The following SCART1 variants were observed in gnomAD, a reference collection of about 807,000 sequenced individuals.
The protein encoded by SCART1 is scavenger receptor family member expressed on T cells 1.
In SCART1, 62 loss-of-function variants were observed where a neutral mutation model predicts 36.2. The ratio of observed to expected loss-of-function variants is 1.71; its 90% CI spans 1.40 to 2.12. The LOEUF is 2.12. Among genes scored for constraint, SCART1 ranks in the 30% most tolerant of loss-of-function variants. The probability of loss-of-function intolerance (pLI) is 0.00; values close to 1 mark genes in which losing one functional copy is unlikely to be tolerated. For synonymous variants in SCART1, 487 were observed against 238.7 expected (o/e 2.04, Z -9.59); for missense variants, 1,041 against 540.5 (o/e 1.93, Z -9.18).
chr10:133,458,560 T>A (rs1169287002), exon 4 of SCART1: 2 of 685,788 alleles, frequency 2.9e-6, no homozygotes, highest in East Asian at 5.4e-5. Context: ...GACGGAGGCC[T>A]TCCGCTGTGC....
chr10:133,464,684 G>A (rs771953123), exon 7 of SCART1: 11 of 699,394 alleles, frequency 1.6e-5, no homozygotes, highest in Middle Eastern at 4.6e-4. Flanking sequence ...GGGACCTGGG[G>A]CGCCATGTGC....
chr10:133,463,296 G>A (rs1291162216), intron 6 of SCART1, among the ~76,000 whole-genome samples: 1 of 152,020 alleles, frequency 6.6e-6, no homozygotes, highest in Non-Finnish European at 1.5e-5. Flanking sequence ...ACAAAGTTAC[G>A]TTTGGTTTTG....
At chr10:133,457,442 C>T (rs966893473) in exon 3 of SCART1, 2 of 702,428 alleles carry the variant, frequency 2.8e-6, no homozygotes, top group African/African-American at 1.7e-5. Flanking sequence ...TCCAGGCCCC[C>T]CGCCGGGACG....
chr10:133,457,631 C>T, intron 3 of SCART1, 56 bp downstream of exon 3: 1 of 614,686 alleles, frequency 1.6e-6, no homozygotes, highest in Admixed American at 2.9e-5. Flanking sequence ...GGGCCCGGAC[C>T]TGGGGAGGGC....
chr10:133,459,316 G>A (rs578067432), exon 5 of SCART1: 38 of 642,572 alleles, frequency 5.9e-5, no homozygotes, highest in South Asian at 4.5e-4. Flanking sequence ...CAGCCTCCGC[G>A]GTCTGCTCAG....
chr10:133,465,837 C>A (rs947504982), intron 9 of SCART1: 3 of 694,860 alleles, frequency 4.3e-6, no homozygotes, highest in Non-Finnish European at 7.9e-6. Context: ...TGGGTGTTGG[C>A]AGGTTCAGTT....
intron 9 of SCART1, 103 bp from the exon 10 acceptor site, chr10:133,466,132 A>G: frequency 7.8e-6 from 5 of 639,744 alleles, no homozygotes; most frequent in African/African-American, 3.6e-5. Flanking sequence ...CAGGTCCTCC[A>G]TGAGGGAGAG....
At chr10:133,458,237 G>C (rs1850643843) in intron 3 of SCART1, 123 bp from the exon 4 acceptor site, 1 of 700,878 alleles carries the variant, frequency 1.4e-6, no homozygotes, top group African/African-American at 1.7e-5. Flanking sequence ...CCTGTGCTTG[G>C]TAGACCCTCT....
Position 133,464,591 on chromosome 10 carries a change from G to C in SCART1, c.1970-15G>C. The C allele has an allele frequency of 1.6e-6, 1 of 639,738 alleles. No individual in the cohort carries two copies. 39.6% of individuals were successfully genotyped at this position (639,738 alleles called of 1,614,324 possible). A position where few individuals can be genotyped will look rare whatever the true frequency, so the allele number is the denominator to read the frequency against. On this transcript the variant is annotated splice_polypyrimidine_tract_variant and intron_variant, in intron 6 of 11. Transcript: ENST00000640237. The stretch of plus-strand genomic sequence containing the variant: ...AGGCAGGGCACTCCCTGGCCTGACT[G>C]TGCTTGCCTTGCAGAGTCGGTGGCT...
At chr10:133,469,288 T>A (rs1458713728), downstream of SCART1, 2 of 152,212 alleles carry the variant, frequency 1.3e-5, no homozygotes, top group African/African-American at 4.8e-5. Flanking sequence ...TAGCCCTTTG[T>A]CAGATGGATA....
intron 1 of SCART1, among the ~76,000 whole-genome samples, chr10:133,455,381 G>A (rs1364392827): frequency 1.3e-5 from 2 of 152,126 alleles, no homozygotes; most frequent in Non-Finnish European, 2.9e-5. Context: ...TGAGAGAGAG[G>A]AGATTCAAGG....
exon 10 of SCART1, chr10:133,466,240 G>T: frequency 1.4e-6 from 1 of 702,414 alleles, no homozygotes; most frequent in Non-Finnish European, 2.6e-6. Context: ...CTCAGAGCCT[G>T]GCCCAGGCCC....
At chr10:133,463,559 T>G (rs1456480154) in intron 6 of SCART1, among the ~76,000 whole-genome samples, 1 of 151,558 alleles carries the variant, frequency 6.6e-6, no homozygotes, top group Non-Finnish European at 1.5e-5. Flanking sequence ...GAATTTGTCT[T>G]TCCATTCCTG....
Position 133,459,974 on chromosome 10 carries a change from CGTGGTCTGCAGGCAGCTGGGCT to C in SCART1, c.1778_1799del (p.Val593AlafsTer4). 1 of 545,398 alleles carries C rather than the reference CGTGGTCTGCAGGCAGCTGGGCT, an allele frequency of 1.8e-6. No individual in the cohort carries two copies. The highest frequency in any genetic ancestry group is 3.2e-6 in the Non-Finnish European group (1 of 313,584). 33.8% of individuals were successfully genotyped at this position (545,398 alleles called of 1,614,324 possible). A position where few individuals can be genotyped will look rare whatever the true frequency, so the allele number is the denominator to read the frequency against. On this transcript the variant is annotated frameshift_variant, in exon 6 of 12. Transcript: ENST00000640237. LOFTEE classifies it high-confidence loss of function. ...ATGCCTGGGACCTGCGGGACGCGCA[CGTGGTCTGCAGGCAGCTGGGCT>C]GTGGCCGCGCCCTGAGCGCCCTGGG...
At chr10:133,459,680 C>T (rs1255603380) in exon 6 of SCART1, 2 of 698,202 alleles carry the variant, frequency 2.9e-6, no homozygotes, top group South Asian at 1.5e-5. Context: ...GCCGCGGATC[C>T]GTCCAGGTGG....
At chr10:133,454,062 T>A (rs778274600) in exon 1 of SCART1, 1 of 702,806 alleles carries the variant, frequency 1.4e-6, no homozygotes, top group South Asian at 1.5e-5. Flanking sequence ...GCAGTCCCCA[T>A]TGGTAAGTTT....
At chr10:133,453,980 C>G (rs1176147213) in exon 1 of SCART1, 2 of 702,840 alleles carry the variant, frequency 2.8e-6, no homozygotes, top group South Asian at 3.0e-5. Context: ...TTGCTGAAGC[C>G]CAGAGGGCTG....
At chr10:133,465,347 G>T in exon 9 of SCART1, 1 of 687,642 alleles carries the variant, frequency 1.5e-6, no homozygotes, top group South Asian at 1.5e-5. Flanking sequence ...TGCGACGATG[G>T]CTGGGACCTG....
exon 6 of SCART1, chr10:133,460,169 A>C (rs1230089678): frequency 2.0e-6 from 1 of 495,938 alleles, no homozygotes; most frequent in Non-Finnish European, 3.5e-6. Flanking sequence ...TCTTCTGCTC[A>C]GGTGAGCGGC....
Sources: gnomAD v4.1 joint callset for allele counts (sites outside exome capture counted in the v4.1 genomes callset) on GRCh38, gnomAD v4.1.1 for gene constraint, MANE v1.5 for transcripts, NCBI Gene and HGNC (gene_info 2026-07-23, HGNC 2026-07-21) for gene names.